Variants in BRSK2 observed in about 807,000 individuals in gnomAD.
BRSK2 encodes the protein serine/threonine-protein kinase BRSK2.
A neutral mutation model predicts 83.3 loss-of-function variants in BRSK2; 19 were observed. The observed-to-expected ratio is 0.23, with a 90% CI of 0.16 to 0.33. The LOEUF is 0.33. BRSK2 is among the 10% of genes least tolerant of loss of function. The probability of loss-of-function intolerance (pLI) is 1.00; values close to 1 mark genes in which losing one functional copy is unlikely to be tolerated. For missense variants in BRSK2, 798 were observed against 1,042.3 expected, an observed-to-expected ratio of 0.77 and a Z score of 3.23; for synonymous variants, 519 against 435.4, an observed-to-expected ratio of 1.19 and a Z score of -2.39.
At chr11:1,450,941 A>G in intron 14 of BRSK2, 147 bp downstream of exon 14, 1 of 747,988 alleles carries the variant, frequency 1.3e-6, no homozygotes, top group Admixed American at 3.2e-5. Flanking sequence ...ACTGTCCCGA[A>G]AGCGCCCAGC....
intron 1 of BRSK2, among the ~76,000 whole-genome samples, chr11:1,403,152 G>A (rs1846607899): frequency 6.6e-6 from 1 of 152,138 alleles, no homozygotes; most frequent in Non-Finnish European, 1.5e-5. Context: ...GCTGGCTTGG[G>A]GCCTTATCCT....
intron 18 of BRSK2, among the ~76,000 whole-genome samples, chr11:1,458,562 C>G (rs559438975): frequency 2.0e-5 from 3 of 152,206 alleles, no homozygotes; most frequent in Non-Finnish European, 2.9e-5. Context: ...GCCCACCCCC[C>G]CAGAGACTGC....
chr11:1,457,025 CGA>C, intron 18 of BRSK2: 1 of 1,593,870 alleles, frequency 6.3e-7, no homozygotes, highest in Non-Finnish European at 8.5e-7. Flanking sequence ...CCACCAGCTA[CGA>C]GAGTAGCCTC....
Position 1,456,399 on chromosome 11 carries a change from T to C in BRSK2, c.1720T>C (p.Tyr574His), listed in dbSNP as rs1298837834. The change falls in exon 17 of 20, where the codon TAC (tyrosine) becomes CAC (histidine). Residue 574 changes from tyrosine (Y) to histidine (H), a missense_variant. Tyr to His is a moderately conservative substitution (Grantham distance 83). Coordinates refer to ENST00000528841, the MANE Select transcript of BRSK2 (RefSeq NM_001256627.2). ...CTCCCAAACGAGCTTCCGGGCCGAGTACAAGGCCACGGGGGGGCCAGCCGT... is the reference window on the plus strand; with the variant it reads ...CTCCCAAACGAGCTTCCGGGCCGAGCACAAGGCCACGGGGGGGCCAGCCGT... ...VISQTSFRAE[Y>H]KATGGPAVFQ... 1.2e-6 allele frequency: 2 copies of C among 1,601,622 alleles called. No individual in the cohort carries two copies. The highest frequency in any genetic ancestry group is 2.2e-5 in the East Asian group (1 of 44,454).
intron 12 of BRSK2, among the ~76,000 whole-genome samples, chr11:1,449,237 C>T (rs557082259): frequency 2.6e-4 from 40 of 152,332 alleles, no homozygotes; most frequent in African/African-American, 9.1e-4. Context: ...CCGTCCCTGC[C>T]AGCAGCTGCC....
intron 1 of BRSK2, among the ~76,000 whole-genome samples, chr11:1,415,040 C>T (rs924173680): frequency 6.6e-6 from 1 of 151,938 alleles, no homozygotes; most frequent in Non-Finnish European, 1.5e-5. Context: ...CCACGTGGGT[C>T]CCTGAGCTCA....
At chr11:1,456,572 A>G in intron 17 of BRSK2, 26 bp from the exon 18 acceptor site, 2 of 1,607,914 alleles carry the variant, frequency 1.2e-6, no homozygotes, top group Non-Finnish European at 1.7e-6. Flanking sequence ...AGGCCCGTCC[A>G]GGGCATAACC....
intron 1 of BRSK2, among the ~76,000 whole-genome samples, chr11:1,425,568 A>T (rs921974229): frequency 2.6e-5 from 4 of 152,052 alleles, no homozygotes; most frequent in Admixed American, 2.6e-4. Flanking sequence ...CCACCCCCTC[A>T]GGACGTTTCC....
At chr11:1,437,762 AG>A (rs1260936616) in intron 2 of BRSK2, among the ~76,000 whole-genome samples, 7 of 152,270 alleles carry the variant, frequency 4.6e-5, no homozygotes, top group Admixed American at 2.0e-4. Context: ...CCTGCCTGGA[AG>A]GGCCCTGCAT....
At chr11:1,444,948 T>G (rs767551174) in intron 8 of BRSK2, 23 bp from the exon 9 acceptor site, 5 of 1,610,278 alleles carry the variant, frequency 3.1e-6, no homozygotes, top group Admixed American at 1.7e-5. Context: ...CCGTACTAAC[T>G]CCCTGTTTCT....
At chr11:1,439,681 A>G (rs983936944) in intron 3 of BRSK2, among the ~76,000 whole-genome samples, 9 of 151,820 alleles carry the variant, frequency 5.9e-5, no homozygotes, top group Non-Finnish European at 1.3e-4. Flanking sequence ...CATGTGGCCT[A>G]TGCTGAGCCT....
intron 1 of BRSK2, chr11:1,410,989 G>A (rs1847424375): frequency 8.1e-6 from 8 of 983,242 alleles, no homozygotes; most frequent in South Asian, 4.7e-5. Context: ...GAGGGGGGCA[G>A]GAGCAGGGGC....
intron 1 of BRSK2, among the ~76,000 whole-genome samples, chr11:1,434,670 G>A (rs2132985818): frequency 7.1e-6 from 1 of 141,628 alleles, no homozygotes; most frequent in East Asian, 2.2e-4. Context: ...GATAACCTGG[G>A]CCGGCTCTGG....
chr11:1,434,181 G>A (rs959394392), intron 1 of BRSK2, among the ~76,000 whole-genome samples: 4 of 152,260 alleles, frequency 2.6e-5, no homozygotes, highest in African/African-American at 7.2e-5. Context: ...AGTAAACACC[G>A]GTGACGTCCC....
At chr11:1,426,746 G>C (rs1178874105) in intron 1 of BRSK2, among the ~76,000 whole-genome samples, 2 of 152,186 alleles carry the variant, frequency 1.3e-5, no homozygotes, top group South Asian at 2.1e-4. Flanking sequence ...GCAGCCACGT[G>C]GTGGGGAGCA....
chr11:1,448,589 C>T (rs935026836), intron 12 of BRSK2, among the ~76,000 whole-genome samples: 6 of 152,224 alleles, frequency 3.9e-5, no homozygotes, highest in South Asian at 2.1e-4. Context: ...TGCCCAGTCA[C>T]GAGCTCTGGG....
chr11:1,409,849 C>T (rs1847220267), intron 1 of BRSK2: 1 of 151,792 alleles, frequency 6.6e-6, no homozygotes, highest in Non-Finnish European at 1.5e-5. Flanking sequence ...AGGGAAGAGC[C>T]CTGCGTGCAG....
At position 1,433,121 on chromosome 11, in the gene BRSK2, A is replaced by G. The variant is rs151036016; in HGVS notation, c.92-2919A>G. 8.1e-3 allele frequency among the ~76,000 whole-genome samples: 576 copies of G among 71,058 alleles called. 79 individuals carry two copies. Among genetic ancestry groups the G allele is most frequent in the Middle Eastern group, 0.025 (3 of 122 alleles). 46.6% of individuals were successfully genotyped at this position (71,058 alleles called of 152,430 possible). A position where few individuals can be genotyped will look rare whatever the true frequency, so the allele number is the denominator to read the frequency against. On this transcript the variant is annotated intron_variant, in intron 1 of 19. Transcript: ENST00000528841. ...GTCAGGTTTTGCCACTGTGCTCAGC[A>G]GTGAGCGTCTTCTGCGGTCTGGTCA...
chr11:1,450,387 C>T lies in BRSK2; in HGVS notation c.1288-200C>T, dbSNP rs181114746. ...CCCGACCCCAAGACCCAGACCTTGC[C>T]GTGCAAGGCCAAGCTGACCGACAAG... On this transcript the variant is annotated intron_variant, in intron 13 of 19. Transcript: ENST00000528841. 4.2e-3 allele frequency among the ~76,000 whole-genome samples: 636 copies of T among 152,268 alleles called. 2 individuals carry two copies. Among genetic ancestry groups the T allele is most frequent in the Middle Eastern group, 6.8e-3 (2 of 294 alleles).
Sources: allele counts gnomAD v4.1 joint callset (sites outside exome capture counted in the v4.1 genomes callset), GRCh38; gene constraint gnomAD v4.1.1; transcripts MANE v1.5; gene names NCBI Gene and HGNC (gene_info 2026-07-23, HGNC 2026-07-21).